The following CAMKMT variants were observed in gnomAD, a reference collection of about 807,000 sequenced individuals.
CAMKMT encodes calmodulin-lysine N-methyltransferase.
CAMKMT carries 53 observed loss-of-function variants against 48.0 expected under a neutral mutation model. That is an observed-to-expected ratio of 1.10 (90% CI 0.89 to 1.39). CAMKMT has a LOEUF of 1.39. Among genes scored for constraint, CAMKMT ranks in the 40% most tolerant of loss-of-function variants. The pLI, the probability that CAMKMT is intolerant of heterozygous loss-of-function variation, is 0.00. For synonymous variants in CAMKMT, 165 were observed against 152.3 expected, an observed-to-expected ratio of 1.08 and a Z score of -0.61; for missense variants, 428 against 402.7, an observed-to-expected ratio of 1.06 and a Z score of -0.54.
Position 44,540,166 on chromosome 2 carries a change from A to ATG in CAMKMT, c.376+149862_376+149863insGT, listed in dbSNP as rs986095850. On this transcript the variant is annotated intron_variant, in intron 3 of 10. Transcript: ENST00000378494. ...CTCTTATATATGTATATACATATAT[A>ATG]TATATGTACATATGTTTTAGTATGG... Among the ~76,000 whole-genome samples, 5 of 151,360 alleles carry ATG rather than the reference A, an allele frequency of 3.3e-5. No homozygotes were observed. The East Asian group carries it at 7.7e-4, about 23-fold the overall frequency.
At chr2:44,366,964 A>G (rs926435711) in intron 1 of CAMKMT, among the ~76,000 whole-genome samples, 3 of 152,056 alleles carry the variant, frequency 2.0e-5, no homozygotes, top group African/African-American at 4.8e-5. Flanking sequence ...AGCTCAAGCA[A>G]TCTGCCCACC....
chr2:44,401,184 A>G (rs1246764504), intron 3 of CAMKMT: 2 of 152,180 alleles, frequency 1.3e-5, no homozygotes, highest in South Asian at 2.1e-4. Context: ...TTGGATAAAT[A>G]TCTCAGTATC....
chr2:44,555,719 A>G (rs1667970499), intron 3 of CAMKMT, among the ~76,000 whole-genome samples: 2 of 152,230 alleles, frequency 1.3e-5, no homozygotes, highest in African/African-American at 4.8e-5. Flanking sequence ...GACTGGGTAT[A>G]TAGACTGAAA....
chr2:44,768,361 A>ATATATATATATATATATATATATTTT (rs35058824), intron 10 of CAMKMT, among the ~76,000 whole-genome samples: 1 of 115,744 alleles, frequency 8.6e-6, no homozygotes, highest in African/African-American at 3.7e-5. Flanking sequence ...ATATATATAT[A>ATATATATATATATATATATATATTTT]TTTTTTTTTT....
intron 3 of CAMKMT, among the ~76,000 whole-genome samples, chr2:44,557,190 C>T (rs1668059848): frequency 2.0e-5 from 3 of 152,102 alleles, no homozygotes; most frequent in African/African-American, 7.2e-5. Context: ...ATGGTACTAA[C>T]TGTGTCCTCT....
chr2:44,648,265 A>C (rs1215233862), intron 3 of CAMKMT, among the ~76,000 whole-genome samples: 1 of 152,226 alleles, frequency 6.6e-6, no homozygotes, highest in African/African-American at 2.4e-5. Flanking sequence ...AATTGTCAGC[A>C]ACAATTACTC....
intron 3 of CAMKMT, among the ~76,000 whole-genome samples, chr2:44,480,121 A>C (rs903339623): frequency 6.6e-6 from 1 of 152,158 alleles, no homozygotes; most frequent in African/African-American, 2.4e-5. Context: ...GAGGCTTTGA[A>C]CCAAATTGTA....
At chr2:44,742,181 G>C (rs541384018) in intron 7 of CAMKMT, among the ~76,000 whole-genome samples, 16 of 152,296 alleles carry the variant, frequency 1.1e-4, no homozygotes, top group Admixed American at 7.2e-4. Flanking sequence ...TTCCAGAAAA[G>C]TTGGTGTTTG....
chr2:44,525,842 ATTCTT>A (rs1029862177), intron 3 of CAMKMT, among the ~76,000 whole-genome samples: 18 of 32,758 alleles, frequency 5.5e-4, no homozygotes, highest in East Asian at 1.6e-3. Flanking sequence ...TTTCCCAAGA[ATTCTT>A]TTCTTTTCTT....
At chr2:44,549,541 TC>T in intron 3 of CAMKMT, 1 of 694,758 alleles carries the variant, frequency 1.4e-6, no homozygotes, top group Non-Finnish European at 2.6e-6. Context: ...TAATTTTTTT[TC>T]TTTTTTTCTT....
intron 3 of CAMKMT, among the ~76,000 whole-genome samples, chr2:44,460,716 C>CTTTT (rs1202949999): frequency 3.1e-4 from 32 of 103,218 alleles, no homozygotes; most frequent in Admixed American, 3.9e-4. Context: ...GTGATAGATT[C>CTTTT]TTTTTTTTTT....
chr2:44,507,684 G>T (rs698832), intron 3 of CAMKMT, among the ~76,000 whole-genome samples: 2 of 151,938 alleles, frequency 1.3e-5, no homozygotes, highest in Non-Finnish European at 2.9e-5. Context: ...GTTTAACATC[G>T]CTTTGTGATA....
Position 44,768,445 on chromosome 2 carries a change from T to G in CAMKMT, c.894+1884T>G, listed in dbSNP as rs192999668. On this transcript the variant is annotated intron_variant, in intron 10 of 10. Coordinates refer to ENST00000378494, the MANE Select transcript of CAMKMT (RefSeq NM_024766.5). The stretch of plus-strand genomic sequence containing the variant: ...GCAAAAGAATGCCTCTGGTCCCTCC[T>G]GTACCTGCCCCAGCAGCGGGGATAC... Among the ~76,000 whole-genome samples the G allele has an allele frequency of 1.6e-3, 237 of 151,606 alleles. 1 individual carries two copies. The highest frequency in any genetic ancestry group is 5.4e-3 in the African/African-American group (225 of 41,350).
intron 3 of CAMKMT, among the ~76,000 whole-genome samples, chr2:44,442,324 A>G (rs1473223170): frequency 6.6e-6 from 1 of 152,234 alleles, no homozygotes; most frequent in Non-Finnish European, 1.5e-5. Context: ...ATATATACAC[A>G]CATATATAAA....
At chr2:44,722,627 A>C (rs1412062981) in intron 7 of CAMKMT, among the ~76,000 whole-genome samples, 3 of 152,198 alleles carry the variant, frequency 2.0e-5, no homozygotes, top group Non-Finnish European at 4.4e-5. Flanking sequence ...ATTACATTAA[A>C]AAATGCACTG....
chr2:44,393,738 C>T (rs187330626), intron 3 of CAMKMT, among the ~76,000 whole-genome samples: 19 of 152,266 alleles, frequency 1.2e-4, no homozygotes, highest in Middle Eastern at 3.4e-3. Context: ...ATATGTCGCT[C>T]AGATACCTTG....
intron 3 of CAMKMT, among the ~76,000 whole-genome samples, chr2:44,461,593 C>T (rs13433053): frequency 0.028 from 4,269 of 152,242 alleles, 195 homozygotes; most frequent in African/African-American, 0.097. Context: ...CTGTCTTGTT[C>T]ACCTCTAACT....
At chr2:44,525,135 T>C (rs1427378903) in intron 3 of CAMKMT, among the ~76,000 whole-genome samples, 2 of 152,208 alleles carry the variant, frequency 1.3e-5, no homozygotes, top group East Asian at 3.8e-4. Flanking sequence ...ATATAAATTT[T>C]ATAGGTTAGA....
intron 3 of CAMKMT, among the ~76,000 whole-genome samples, chr2:44,433,135 A>T (rs1299371944): frequency 6.6e-6 from 1 of 152,154 alleles, no homozygotes; most frequent in South Asian, 2.1e-4. Context: ...CTATTGGTTT[A>T]TATCTTTTTA....
Sources: allele counts gnomAD v4.1 joint callset (sites outside exome capture counted in the v4.1 genomes callset), GRCh38; gene constraint gnomAD v4.1.1; transcripts MANE v1.5; gene names NCBI Gene and HGNC (gene_info 2026-07-23, HGNC 2026-07-21).